Variants in MSH3 observed in about 807,000 individuals in gnomAD.
The protein encoded by MSH3 is mutS homolog 3, also known as DNA mismatch repair protein Msh3.
MSH3 carries 106 observed loss-of-function variants against 123.3 expected under a neutral mutation model. That is an observed-to-expected ratio of 0.86 (90% CI 0.73 to 1.01). The LOEUF (loss-of-function observed/expected upper bound fraction) is 1.01. Among genes scored for constraint, MSH3 ranks in the 50% least tolerant of loss-of-function variants. The probability of loss-of-function intolerance (pLI) is 0.00; values close to 1 mark genes in which losing one functional copy is unlikely to be tolerated. For synonymous variants in MSH3, 515 were observed against 481.4 expected, an observed-to-expected ratio of 1.07 and a Z score of -0.91; for missense variants, 1,459 against 1,347.6, an observed-to-expected ratio of 1.08 and a Z score of -1.29.
intron 8 of MSH3, among the ~76,000 whole-genome samples, chr5:80,688,957 T>C (rs1750164760): frequency 6.6e-6 from 1 of 152,166 alleles, no homozygotes; most frequent in Non-Finnish European, 1.5e-5. Flanking sequence ...TTCTTAGATA[T>C]TTAGAGCCAA....
At chr5:80,778,563 A>G (rs1198574928) in intron 16 of MSH3, among the ~76,000 whole-genome samples, 157 bp from the exon 17 acceptor site, 2 of 152,244 alleles carry the variant, frequency 1.3e-5, no homozygotes, top group African/African-American at 4.8e-5. Context: ...TGGAATCAGT[A>G]GAGTTCAGGA....
chr5:80,705,848 C>A (rs1750711775), intron 8 of MSH3, among the ~76,000 whole-genome samples: 1 of 152,122 alleles, frequency 6.6e-6, no homozygotes, highest in African/African-American at 2.4e-5. Context: ...TGGATTAGGG[C>A]CCACCCTGAT....
chr5:80,678,783 A>G (rs1343033518), intron 7 of MSH3, 144 bp from the exon 8 acceptor site: 122 of 851,510 alleles, frequency 1.4e-4, no homozygotes, highest in Non-Finnish European at 5.7e-5. Flanking sequence ...CCTGAAAAGC[A>G]GACAGGTTTC....
rs1377616557 is a variant in MSH3, at chr5:80,863,777, T to A, written c.3001-1036T>A. Among the ~76,000 whole-genome samples the A allele has an allele frequency of 2.6e-5, 4 of 152,046 alleles. No homozygotes were observed. In the East Asian group the frequency reaches 7.7e-4, roughly 29 times the overall value. ...ATTTTCTGGTTGACAATTGGTTGAG[T>A]TTATGTGAAGACCTGGGATTAATGG... On this transcript the variant is annotated intron_variant, in intron 21 of 23. Coordinates refer to ENST00000265081, the MANE Select transcript of MSH3 (RefSeq NM_002439.5).
chr5:80,852,378 A>C (rs1745844933), intron 20 of MSH3, among the ~76,000 whole-genome samples: 1 of 152,096 alleles, frequency 6.6e-6, no homozygotes, highest in South Asian at 2.1e-4. Context: ...TATTATCCTA[A>C]TTTCTAAAAA....
intron 8 of MSH3, among the ~76,000 whole-genome samples, chr5:80,719,726 C>T (rs1330945662): frequency 6.6e-6 from 1 of 152,184 alleles, no homozygotes; most frequent in African/African-American, 2.4e-5. Context: ...AGGTACTATA[C>T]CTTCTTTCTT....
At chr5:80,681,656 A>G (rs1274625871) in intron 8 of MSH3, among the ~76,000 whole-genome samples, 2 of 150,210 alleles carry the variant, frequency 1.3e-5, no homozygotes, top group Non-Finnish European at 3.0e-5. Context: ...TTAACTTAGT[A>G]TATATTTTAT....
At chr5:80,864,466 AAT>A (rs1284398742) in intron 21 of MSH3, among the ~76,000 whole-genome samples, 1 of 152,152 alleles carries the variant, frequency 6.6e-6, no homozygotes, top group African/African-American at 2.4e-5. Flanking sequence ...ATATAATAAT[AAT>A]ATATTTATTG....
At chr5:80,689,758 G>A (rs553988459) in intron 8 of MSH3, among the ~76,000 whole-genome samples, 2 of 132,288 alleles carry the variant, frequency 1.5e-5, no homozygotes, top group South Asian at 4.9e-4. Context: ...ATTTTATTTT[G>A]AGCAGTTTGA....
chr5:80,801,654 T>C (rs749174457), intron 19 of MSH3, among the ~76,000 whole-genome samples: 1 of 152,218 alleles, frequency 6.6e-6, no homozygotes, highest in African/African-American at 2.4e-5. Flanking sequence ...AGGTACTTCA[T>C]GCAAACGAAT....
chr5:80,729,864 A>C lies in MSH3; in HGVS notation c.1568+899A>C, dbSNP rs369944172. Among the ~76,000 whole-genome samples the C allele has an allele frequency of 3.9e-5, 6 of 152,234 alleles. 1 individual carries two copies. The highest frequency in any genetic ancestry group is 1.4e-4 in the African/African-American group (6 of 41,558). On this transcript the variant is annotated intron_variant, in intron 10 of 23. Transcript: ENST00000265081. Reference sequence around the variant, plus strand: ...TTGGGTCTGTCAAGAATCACCCTCCATTATATTGATCCAGGGTGCATCAGC... The same window carrying C: ...TTGGGTCTGTCAAGAATCACCCTCCCTTATATTGATCCAGGGTGCATCAGC...
chr5:80,723,199 A>C (rs1417712021), intron 8 of MSH3, among the ~76,000 whole-genome samples: 5 of 152,146 alleles, frequency 3.3e-5, no homozygotes, highest in African/African-American at 1.2e-4. Context: ...AAGAAAATCA[A>C]AGGGCCAGGA....
chr5:80,743,838 C>T lies in MSH3; in HGVS notation c.1654-668C>T, dbSNP rs1213781061. Among the ~76,000 whole-genome samples the T allele has an allele frequency of 1.1e-3, 8 of 7,316 alleles. 2 individuals carry two copies. The highest frequency in any genetic ancestry group is 5.9e-3 in the Admixed American group (3 of 510). 4.8% of individuals were successfully genotyped at this position (7,316 alleles called of 152,430 possible). On this transcript the variant is annotated intron_variant, in intron 11 of 23. Coordinates refer to ENST00000265081, the MANE Select transcript of MSH3 (RefSeq NM_002439.5). ...CAGCCTGGGCGACAGAGCGAGACTC[C>T]GTCTCAAAAAAAAAAAAAAAAAAAA...
chr5:80,818,402 CAAAAAAAAA>C (rs71603566), intron 20 of MSH3, among the ~76,000 whole-genome samples: 1 of 63,832 alleles, frequency 1.6e-5, no homozygotes, highest in Non-Finnish European at 2.7e-5. Context: ...ATAGCAATGA[CAAAAAAAAA>C]AAAAAAAAAA....
rs1172350775 is a variant in MSH3 at position 80,874,044 on chromosome 5, C to G, written c.3302+757C>G. Among the ~76,000 whole-genome samples, 5 of 152,256 alleles carry G rather than the reference C, an allele frequency of 3.3e-5. No homozygotes were observed. The East Asian group carries it at 9.6e-4, about 29-fold the overall frequency. Reference sequence around the variant, plus strand: ...CTGGTGTGCTGGGTACATTAGTACCCTGGTTGATAATCATATGACCATGAT... The same window carrying G: ...CTGGTGTGCTGGGTACATTAGTACCGTGGTTGATAATCATATGACCATGAT... On this transcript the variant is annotated intron_variant, in intron 23 of 23. Coordinates refer to ENST00000265081, the MANE Select transcript of MSH3 (RefSeq NM_002439.5).
chr5:80,848,364 G>T (rs1745761965), intron 20 of MSH3, among the ~76,000 whole-genome samples: 2 of 152,114 alleles, frequency 1.3e-5, no homozygotes, highest in African/African-American at 2.4e-5. Context: ...TTTCTTCATA[G>T]ACTTTTCTTG....
At chr5:80,772,311 GA>G (rs1028680703) in intron 15 of MSH3, among the ~76,000 whole-genome samples, 2 of 152,146 alleles carry the variant, frequency 1.3e-5, no homozygotes, top group Non-Finnish European at 2.9e-5. Flanking sequence ...TTTTTACTTA[GA>G]TTTAAAATAT....
intron 8 of MSH3, among the ~76,000 whole-genome samples, chr5:80,695,532 C>T (rs962341053): frequency 3.3e-5 from 5 of 152,088 alleles, no homozygotes; most frequent in Non-Finnish European, 7.4e-5. Flanking sequence ...TGGGGTTTCG[C>T]CATGTTGGCC....
chr5:80,805,188 G>T (rs992639673), intron 19 of MSH3, among the ~76,000 whole-genome samples: 6 of 152,178 alleles, frequency 3.9e-5, no homozygotes, highest in Admixed American at 1.3e-4. Context: ...TGGTATTTCT[G>T]TTGCCTGCTT....
Sources: allele counts gnomAD v4.1 joint callset (sites outside exome capture counted in the v4.1 genomes callset), GRCh38; gene constraint gnomAD v4.1.1; transcripts MANE v1.5; gene names NCBI Gene and HGNC (gene_info 2026-07-23, HGNC 2026-07-21).